The following PITPNM3 variants were observed in gnomAD, a reference collection of about 807,000 sequenced individuals.
The protein encoded by PITPNM3 is PITPNM family member 3, also known as membrane-associated phosphatidylinositol transfer protein 3.
PITPNM3 carries 26 observed loss-of-function variants against 102.0 expected under a neutral mutation model. The observed-to-expected ratio is 0.25, with a 90% CI of 0.19 to 0.35. The LOEUF is 0.35. Ranked by LOEUF, PITPNM3 falls within the 10% of genes least tolerant of loss-of-function variation. The pLI, the probability that PITPNM3 is intolerant of heterozygous loss-of-function variation, is 1.00. For missense variants in PITPNM3, 1,083 were observed against 1,346.1 expected (o/e 0.80, Z 3.06); for synonymous variants, 578 against 558.6 (o/e 1.03, Z -0.49).
intron 1 of PITPNM3, among the ~76,000 whole-genome samples, chr17:6,553,616 T>A (rs1434901863): frequency 6.6e-6 from 1 of 152,176 alleles, no homozygotes; most frequent in African/African-American, 2.4e-5. Flanking sequence ...TTTCTCTCCG[T>A]GGGTGATCTA....
intron 4 of PITPNM3, among the ~76,000 whole-genome samples, chr17:6,491,825 AT>A (rs1906503248): frequency 1.1e-5 from 1 of 92,476 alleles, no homozygotes; most frequent in Non-Finnish European, 2.3e-5. Flanking sequence ...GAATATATAT[AT>A]ATATATATAT....
chr17:6,534,577 C>A (rs1341722574), intron 2 of PITPNM3, among the ~76,000 whole-genome samples: 1 of 152,198 alleles, frequency 6.6e-6, no homozygotes, highest in African/African-American at 2.4e-5. Context: ...CCAGCCCCTG[C>A]ACTTCCACCT....
At position 6,477,995 on chromosome 17, in the gene PITPNM3, C is replaced by T; in HGVS notation, c.880G>A (p.Gly294Arg). Residue 294 changes from glycine to arginine, a missense_variant, in exon 8 of 20, where the codon GGG becomes AGG. Around this residue, in one of 5 missense-constraint regions of PITPNM3, gnomAD observed 172 missense variants for 175.6 expected, o/e 0.98. Coordinates refer to ENST00000262483, the MANE Select transcript of PITPNM3 (RefSeq NM_031220.4). ...GDSPASSSRK[G>R]SISSTQDTPV... is the part of the protein sequence containing the mutation. ...TGTACCTGGGTGCTGCTGATGCTCC[C>T]CTTCCGGCTGCTGCTGGCAGGGCTG... 6.2e-7 allele frequency: 1 copy of T among 1,613,368 alleles called. No individual in the cohort carries two copies. Among genetic ancestry groups the T allele is most frequent in the Non-Finnish European group, 8.5e-7 (1 of 1,180,032 alleles).
rs114460864 is a variant in PITPNM3, at chr17:6,534,718, C to T, written c.118+3269G>A. ...TCCAGTCAGTGCTGGTACCTAGCTA[C>T]GCAGTTTCTTCCAGTGTAGACGCCG... On this transcript the variant is annotated intron_variant, in intron 2 of 19. Coordinates refer to ENST00000262483, the MANE Select transcript of PITPNM3 (RefSeq NM_031220.4). Among the ~76,000 whole-genome samples the T allele has an allele frequency of 8.1e-3, 1,232 of 152,262 alleles. 22 individuals carry two copies. Among genetic ancestry groups the T allele is most frequent in the African/African-American group, 0.027 (1,121 of 41,532 alleles).
intron 18 of PITPNM3, 59 bp downstream of exon 18, chr17:6,461,314 G>T: frequency 6.4e-7 from 1 of 1,565,378 alleles, no homozygotes. Context: ...ATGGGGAGCG[G>T]TGGAGAGGAG....
chr17:6,484,074 G>A, intron 5 of PITPNM3, 142 bp downstream of exon 5: 1 of 942,580 alleles, frequency 1.1e-6, no homozygotes, highest in Admixed American at 1.8e-5. Context: ...CCAAAGCCCA[G>A]AGAAGGACAC....
intron 6 of PITPNM3, chr17:6,479,012 C>G (rs2150732897): frequency 2.0e-6 from 1 of 500,138 alleles, no homozygotes; most frequent in Non-Finnish European, 3.6e-6. Flanking sequence ...CTCTATTGCC[C>G]TCTTCTGCAT....
chr17:6,465,307 A>C (rs974134651), intron 14 of PITPNM3, among the ~76,000 whole-genome samples: 4 of 152,096 alleles, frequency 2.6e-5, no homozygotes, highest in African/African-American at 9.7e-5. Context: ...CGGACTCCCA[A>C]AGTGCTGGGA....
chr17:6,498,882 G>A (rs984332361), intron 4 of PITPNM3, among the ~76,000 whole-genome samples: 13 of 152,142 alleles, frequency 8.5e-5, no homozygotes, highest in East Asian at 3.9e-4. Context: ...GGAGCACTCC[G>A]GAAATGGTCA....
At position 6,472,507 on chromosome 17, in the gene PITPNM3, C is replaced by A; in HGVS notation, c.1429+150G>T. The stretch of plus-strand genomic sequence containing the variant: ...CAAGCAGGTGCTTAGCACAGGTGGG[C>A]GACTCTGAAGACAGAGGAGTCGGCT... On this transcript the variant is annotated intron_variant, in intron 11 of 19. Transcript: ENST00000262483. This position sits in a 1 kb window ranked among gnomAD's most constrained non-coding sequence, Gnocchi z 4.1. The A allele has an allele frequency of 1.8e-6, 2 of 1,125,142 alleles. 1 individual carries two copies. Among genetic ancestry groups the A allele is most frequent in the South Asian group, 3.1e-5 (2 of 65,524 alleles). The allele number at this position is 1,125,142 out of a possible 1,614,324, so 69.7% of individuals were successfully genotyped here.
At chr17:6,506,206 A>C (rs1907497185) in intron 3 of PITPNM3, among the ~76,000 whole-genome samples, 1 of 152,116 alleles carries the variant, frequency 6.6e-6, no homozygotes, top group African/African-American at 2.4e-5. Flanking sequence ...GGAAGGCCTC[A>C]TGCAAAAAGG....
At chr17:6,490,354 G>A (rs1237452132) in intron 4 of PITPNM3, among the ~76,000 whole-genome samples, 1 of 152,140 alleles carries the variant, frequency 6.6e-6, no homozygotes, top group Non-Finnish European at 1.5e-5. Context: ...AAAAGGAGGG[G>A]TTTGCCTACA....
At position 6,551,589 on chromosome 17, in the gene PITPNM3, C is replaced by T. The variant is rs118132119; in HGVS notation, c.22+4796G>A. On this transcript the variant is annotated intron_variant, in intron 1 of 19. Coordinates refer to ENST00000262483, the MANE Select transcript of PITPNM3 (RefSeq NM_031220.4). ...CTCCCCAAAGATTTAAGAATCCCAG[C>T]GTTGTCCAGGTATGATGGCTCATGC... is the stretch of plus-strand genomic sequence containing the variant. Among the ~76,000 whole-genome samples, 608 of 152,052 alleles carry T rather than the reference C, an allele frequency of 4.0e-3. 3 individuals carry two copies. The highest frequency in any genetic ancestry group is 6.8e-3 in the Middle Eastern group (2 of 294).
Position 6,474,610 on chromosome 17 carries a change from G to A in PITPNM3, c.1086-6C>T. 2 of 1,557,170 alleles carry A rather than the reference G, an allele frequency of 1.3e-6. No individual in the cohort carries two copies. The highest frequency in any genetic ancestry group is 1.7e-6 in the Non-Finnish European group (2 of 1,151,236). On this transcript the variant is annotated splice_region_variant and splice_polypyrimidine_tract_variant and intron_variant, in intron 9 of 19. Transcript: ENST00000262483. The stretch of plus-strand genomic sequence containing the variant: ...TTAGCACGCTGGAGTGGATGCTGCG[G>A]AGGGAGGAGGACGCAGGGCAGGGCA...
At chr17:6,466,236 T>A (rs999123217) in intron 14 of PITPNM3, among the ~76,000 whole-genome samples, 2 of 152,226 alleles carry the variant, frequency 1.3e-5, no homozygotes, top group African/African-American at 4.8e-5. Context: ...TCGCTATGAC[T>A]AGACTCAGCG....
At position 6,472,969 on chromosome 17, in the gene PITPNM3, A is replaced by T. The variant is rs1905134353; in HGVS notation, c.1259-142T>A. 1.9e-6 allele frequency: 2 copies of T among 1,041,566 alleles called. No individual in the cohort carries two copies. The highest frequency in any genetic ancestry group is 3.2e-5 in the African/African-American group (2 of 63,140). The allele number at this position is 1,041,566 out of a possible 1,614,324, so 64.5% of individuals were successfully genotyped here. On this transcript the variant is annotated intron_variant, in intron 10 of 19. Coordinates refer to ENST00000262483, the MANE Select transcript of PITPNM3 (RefSeq NM_031220.4). The surrounding 1 kb of genome is among the most constrained non-coding windows in gnomAD (Gnocchi z 4.1). ...GGCTCCCTGCTCCCCACGGGAACAA[A>T]GCCATTACGTTCAGTTTGTCTCCCC...
chr17:6,486,511 A>G (rs551963123), intron 4 of PITPNM3, among the ~76,000 whole-genome samples: 1 of 152,312 alleles, frequency 6.6e-6, no homozygotes, highest in South Asian at 2.1e-4. Flanking sequence ...TTTCTGAAAT[A>G]TTCTGTCCTC....
At chr17:6,535,534 T>C (rs1386434103) in intron 2 of PITPNM3, among the ~76,000 whole-genome samples, 1 of 151,728 alleles carries the variant, frequency 6.6e-6, no homozygotes, top group African/African-American at 2.4e-5. Flanking sequence ...GGAGGGAGGC[T>C]GCAGAGATAT....
At chr17:6,460,434 T>G (rs1904385710) in intron 18 of PITPNM3, 1 of 152,260 alleles carries the variant, frequency 6.6e-6, no homozygotes, top group Non-Finnish European at 1.5e-5. Context: ...CTCCTCTAGA[T>G]CAGGGATTTG....
Sources: allele counts gnomAD v4.1 joint callset (sites outside exome capture counted in the v4.1 genomes callset), GRCh38; gene constraint gnomAD v4.1.1; regional missense constraint gnomAD v4.1.1; non-coding constraint Gnocchi (gnomAD v3.1); transcripts MANE v1.5; gene names NCBI Gene and HGNC (gene_info 2026-07-23, HGNC 2026-07-21).